The following FMNL2 variants were observed in gnomAD, a reference collection of about 807,000 sequenced individuals.
The protein encoded by FMNL2 is formin-like protein 2.
In FMNL2, 51 loss-of-function variants were observed where a neutral mutation model predicts 130.2. The ratio of observed to expected loss-of-function variants is 0.39; its 90% CI spans 0.31 to 0.49. The LOEUF (loss-of-function observed/expected upper bound fraction) is 0.49, where lower values mean the gene tolerates loss of function less well. Among genes scored for constraint, FMNL2 ranks in the 20% least tolerant of loss-of-function variants. FMNL2 has a pLI of 0.85. For synonymous variants in FMNL2, 465 were observed against 467.1 expected, an observed-to-expected ratio of 1.00 and a Z score of 0.06; for missense variants, 977 against 1,316.2, an observed-to-expected ratio of 0.74 and a Z score of 3.99.
At chr2:152,626,989 A>G (rs1023694433) in intron 17 of FMNL2, among the ~76,000 whole-genome samples, 2 of 152,218 alleles carry the variant, frequency 1.3e-5, no homozygotes, top group African/African-American at 4.8e-5. Flanking sequence ...TTTTAGAAGA[A>G]TAACATCTGG....
intron 1 of FMNL2, among the ~76,000 whole-genome samples, chr2:152,452,138 G>A (rs1688679921): frequency 6.6e-6 from 1 of 152,162 alleles, no homozygotes; most frequent in African/African-American, 2.4e-5. Context: ...TTGGCAACTC[G>A]AGGTGTTAGA....
chr2:152,588,364 C>T (rs910529613), intron 9 of FMNL2, among the ~76,000 whole-genome samples: 2 of 152,178 alleles, frequency 1.3e-5, no homozygotes, highest in African/African-American at 4.8e-5. Flanking sequence ...TGTCCTTCTT[C>T]CTTTAAGGAC....
chr2:152,401,201 A>T (rs1362688507), intron 1 of FMNL2, among the ~76,000 whole-genome samples: 2 of 152,190 alleles, frequency 1.3e-5, no homozygotes, highest in African/African-American at 4.8e-5. Context: ...AGTTTGGGGA[A>T]TTTATCAGTT....
At chr2:152,587,022 C>T (rs1451121483) in intron 9 of FMNL2, among the ~76,000 whole-genome samples, 2 of 152,152 alleles carry the variant, frequency 1.3e-5, no homozygotes, top group African/African-American at 4.8e-5. Flanking sequence ...AGTTTTTGAG[C>T]TATGATACCT....
chr2:152,506,731 C>T (rs978358023), intron 1 of FMNL2, among the ~76,000 whole-genome samples: 1 of 152,004 alleles, frequency 6.6e-6, no homozygotes, highest in Non-Finnish European at 1.5e-5. Flanking sequence ...GCCTCCTAGA[C>T]CAAAAGAAAA....
At chr2:152,349,819 C>G (rs1682370554) in intron 1 of FMNL2, among the ~76,000 whole-genome samples, 1 of 152,196 alleles carries the variant, frequency 6.6e-6, no homozygotes, top group African/African-American at 2.4e-5. Context: ...GTCCCAACCA[C>G]TGCTGGGCTG....
At chr2:152,602,460 C>T (rs1377734837) in intron 9 of FMNL2, among the ~76,000 whole-genome samples, 1 of 152,164 alleles carries the variant, frequency 6.6e-6, no homozygotes, top group Non-Finnish European at 1.5e-5. Context: ...CAGTCCAGTG[C>T]ACAGAAGGGC....
At chr2:152,393,684 C>A (rs892500267) in intron 1 of FMNL2, among the ~76,000 whole-genome samples, 2 of 152,174 alleles carry the variant, frequency 1.3e-5, no homozygotes, top group South Asian at 2.1e-4. Context: ...TTAAAAAAAT[C>A]TCTTTTGCCT....
chr2:152,576,882 G>A (rs1274265031), intron 7 of FMNL2, among the ~76,000 whole-genome samples: 1 of 152,210 alleles, frequency 6.6e-6, no homozygotes, highest in Non-Finnish European at 1.5e-5. Context: ...GTAAGAGGGA[G>A]AAGAGTAGAA....
chr2:152,592,931 G>T (rs1450934986), intron 9 of FMNL2, among the ~76,000 whole-genome samples: 7 of 152,116 alleles, frequency 4.6e-5, no homozygotes, highest in Non-Finnish European at 8.8e-5. Flanking sequence ...AGATTATTGG[G>T]GTGTTTAAAA....
In FMNL2 at chr2:152,637,604, G is replaced by C. The variant is rs769803723; in HGVS notation, c.2876G>C (p.Gly959Ala). 2.5e-6 allele frequency: 4 copies of C among 1,613,936 alleles called. No individual in the cohort carries two copies. Among genetic ancestry groups the C allele is most frequent in the Non-Finnish European group, 3.4e-6 (4 of 1,179,846 alleles). The change falls in exon 23 of 26, where the codon GGA becomes GCA. Residue 959 changes from glycine (G) to alanine (A), a missense_variant. Transcript: ENST00000288670. The stretch of plus-strand genomic sequence containing the variant: ...TTTGATGATGTTGTGAAGTATTTTG[G>C]AGAAAACCCCAAGACAACACCACCC... Reference protein sequence around the residue: ...DAFDDVVKYFGENPKTTPPSV... With the variant: ...DAFDDVVKYFAENPKTTPPSV...
chr2:152,643,458 G>A (rs1215297530), intron 25 of FMNL2: 13 of 1,536,000 alleles, frequency 8.5e-6, no homozygotes, highest in African/African-American at 4.1e-5. Flanking sequence ...ACCGCCAAGC[G>A]TGGCTCTCGG....
In FMNL2 at chr2:152,619,655, C is replaced by T; in HGVS notation, c.1774C>T (p.Pro592Ser). Reference sequence around the variant, plus strand: ...AGCTCCTCCCTTAGCACCTCCCCTTCCCTCTGCACCTCCGCTGCCTGGAAC... The same window carrying T: ...AGCTCCTCCCTTAGCACCTCCCCTTTCCTCTGCACCTCCGCTGCCTGGAAC... ...VPAPPLAPPL[P>S]SAPPLPGTSS... The change falls in exon 15 of 26, where the codon CCC becomes TCC. Residue 592 changes from proline (P) to serine (S), a missense_variant. Around this residue, in one of 4 missense-constraint regions of FMNL2, gnomAD observed 689 missense variants for 995.9 expected, o/e 0.69. Coordinates refer to ENST00000288670, the MANE Select transcript of FMNL2 (RefSeq NM_052905.4). 1.9e-6 allele frequency: 3 copies of T among 1,612,434 alleles called. No homozygotes were observed. In the South Asian group the frequency reaches 3.3e-5, roughly 18 times the overall value.
At chr2:152,474,894 T>G (rs1248521953) in intron 1 of FMNL2, among the ~76,000 whole-genome samples, 1 of 152,190 alleles carries the variant, frequency 6.6e-6, no homozygotes, top group Non-Finnish European at 1.5e-5. Context: ...CATAATGTTG[T>G]CTTATTTTTA....
At chr2:152,548,777 G>C (rs986542682) in intron 3 of FMNL2, among the ~76,000 whole-genome samples, 2 of 152,064 alleles carry the variant, frequency 1.3e-5, no homozygotes, top group African/African-American at 4.8e-5. Context: ...TGTGTGTGTG[G>C]GGTAGGGAAA....
chr2:152,569,385 G>A (rs959383092), intron 6 of FMNL2, among the ~76,000 whole-genome samples: 15 of 152,126 alleles, frequency 9.9e-5, no homozygotes, highest in African/African-American at 2.9e-4. Context: ...TCCCTATAGC[G>A]CCTGCTGCTG....
chr2:152,498,407 T>C (rs1367082103), intron 1 of FMNL2, among the ~76,000 whole-genome samples: 1 of 152,224 alleles, frequency 6.6e-6, no homozygotes, highest in South Asian at 2.1e-4. Context: ...TCTAGTGTTA[T>C]GTTTGTATTT....
At chr2:152,479,718 G>GTT (rs749726414) in intron 1 of FMNL2, among the ~76,000 whole-genome samples, 147 of 96,334 alleles carry the variant, frequency 1.5e-3, no homozygotes, top group Non-Finnish European at 2.2e-3. Context: ...GTTGTGGGTT[G>GTT]TTTTTTTTTT....
chr2:152,522,574 C>G (rs1693155098), intron 2 of FMNL2, among the ~76,000 whole-genome samples: 1 of 152,078 alleles, frequency 6.6e-6, no homozygotes, highest in South Asian at 2.1e-4. Context: ...CAGGTCTTTC[C>G]TATGCTGTTC....
Sources: allele counts gnomAD v4.1 joint callset (sites outside exome capture counted in the v4.1 genomes callset), GRCh38; gene constraint gnomAD v4.1.1; regional missense constraint gnomAD v4.1.1; transcripts MANE v1.5; gene names NCBI Gene and HGNC (gene_info 2026-07-23, HGNC 2026-07-21).